The following CCSER1 variants were observed in gnomAD, a reference collection of about 807,000 sequenced individuals.
CCSER1 encodes the protein serine-rich coiled-coil domain-containing protein 1.
Under a neutral mutation model 82.0 loss-of-function variants are expected in CCSER1, and 41 were observed. That is an observed-to-expected ratio of 0.50 (90% CI 0.39 to 0.65). The LOEUF is 0.65. Ranked by LOEUF, CCSER1 falls within the 30% of genes least tolerant of loss-of-function variation. The probability of loss-of-function intolerance (pLI) is 0.00; values close to 1 mark genes in which losing one functional copy is unlikely to be tolerated. For missense variants in CCSER1, 1,119 were observed against 1,064.2 expected (o/e 1.05, Z -0.72); for synonymous variants, 414 against 383.9 (o/e 1.08, Z -0.92).
chr4:91,131,832 G>A (rs771516563), intron 10 of CCSER1, among the ~76,000 whole-genome samples: 35 of 152,054 alleles, frequency 2.3e-4, no homozygotes, highest in African/African-American at 6.0e-4. Flanking sequence ...ACAATGGGGT[G>A]AAATAGTGAA....
At chr4:90,303,948 T>A (rs961654231) in intron 1 of CCSER1, among the ~76,000 whole-genome samples, 101 of 152,000 alleles carry the variant, frequency 6.6e-4, no homozygotes, top group East Asian at 3.3e-3. Context: ...CTCAAACAAA[T>A]TTACAAGAGA....
intron 7 of CCSER1, among the ~76,000 whole-genome samples, chr4:90,785,957 A>T (rs185912952): frequency 4.6e-5 from 7 of 152,282 alleles, no homozygotes; most frequent in Non-Finnish European, 7.3e-5. Context: ...CATTTTGTGG[A>T]GCTGAGAGGT....
At chr4:90,932,302 T>C (rs1234759686) in intron 9 of CCSER1, among the ~76,000 whole-genome samples, 1 of 152,128 alleles carries the variant, frequency 6.6e-6, no homozygotes, top group Non-Finnish European at 1.5e-5. Context: ...ATTTTATGAG[T>C]TCTCTGTTTA....
intron 1 of CCSER1, among the ~76,000 whole-genome samples, chr4:90,164,389 C>T (rs939215822): frequency 2.6e-5 from 4 of 151,590 alleles, no homozygotes; most frequent in African/African-American, 7.3e-5. Flanking sequence ...TAATCGCAAA[C>T]ATTTTAAAGT....
chr4:90,983,112 T>C (rs1439287472), intron 9 of CCSER1, among the ~76,000 whole-genome samples: 2 of 151,776 alleles, frequency 1.3e-5, no homozygotes, highest in Non-Finnish European at 2.9e-5. Context: ...CATTCTTTCA[T>C]GAATCACTAT....
intron 5 of CCSER1, among the ~76,000 whole-genome samples, chr4:90,543,553 C>T (rs1776366577): frequency 6.6e-6 from 1 of 152,168 alleles, no homozygotes; most frequent in Non-Finnish European, 1.5e-5. Context: ...CAGAATGTCA[C>T]ACAGTAAATA....
chr4:91,559,535 C>A (rs1560763286), intron 10 of CCSER1, among the ~76,000 whole-genome samples: 1 of 151,562 alleles, frequency 6.6e-6, no homozygotes, highest in East Asian at 1.9e-4. Flanking sequence ...ATCCATCTGG[C>A]CATTTTTTTT....
chr4:90,447,803 T>C (rs1015551581), intron 4 of CCSER1, among the ~76,000 whole-genome samples: 1 of 152,316 alleles, frequency 6.6e-6, no homozygotes, highest in East Asian at 1.9e-4. Context: ...AGATATATTT[T>C]TGGTAATAAA....
At chr4:91,102,075 G>C (rs1725124116) in intron 10 of CCSER1, among the ~76,000 whole-genome samples, 1 of 152,198 alleles carries the variant, frequency 6.6e-6, no homozygotes, top group Non-Finnish European at 1.5e-5. Context: ...GTTTCAGACA[G>C]AGGAGCTCGT....
intron 7 of CCSER1, among the ~76,000 whole-genome samples, chr4:90,762,468 C>T (rs536719210): frequency 6.6e-6 from 1 of 152,214 alleles, no homozygotes; most frequent in South Asian, 2.1e-4. Context: ...CTTGTTGGTT[C>T]TCCTTAGTTG....
intron 10 of CCSER1, among the ~76,000 whole-genome samples, chr4:91,094,477 G>T (rs1455768556): frequency 2.6e-5 from 4 of 152,144 alleles, no homozygotes; most frequent in African/African-American, 9.7e-5. Flanking sequence ...GGTTAACCAA[G>T]CGTAAGTCCT....
intron 9 of CCSER1, among the ~76,000 whole-genome samples, chr4:90,936,098 A>G (rs1002417449): frequency 1.3e-5 from 2 of 152,054 alleles, no homozygotes; most frequent in African/African-American, 4.8e-5. Context: ...CAATGTATTT[A>G]CTTTCTATTC....
intron 1 of CCSER1, among the ~76,000 whole-genome samples, chr4:90,136,108 T>G (rs2153323886): frequency 6.6e-6 from 1 of 152,314 alleles, no homozygotes; most frequent in African/African-American, 2.4e-5. Context: ...TGTAGAAAAA[T>G]TGACGAAATT....
At chr4:91,123,224 C>G (rs1727238502) in intron 10 of CCSER1, among the ~76,000 whole-genome samples, 1 of 151,568 alleles carries the variant, frequency 6.6e-6, no homozygotes, top group Admixed American at 6.6e-5. Flanking sequence ...TAATCTTTCT[C>G]ATTTTGTCTC....
At chr4:91,110,608 A>C (rs73834789) in intron 10 of CCSER1, among the ~76,000 whole-genome samples, 7 of 148,546 alleles carry the variant, frequency 4.7e-5, no homozygotes, top group African/African-American at 1.8e-4. Context: ...TGTGCTTATC[A>C]CATTGTACTG....
At chr4:90,828,274 A>C (rs1322053405) in intron 8 of CCSER1, among the ~76,000 whole-genome samples, 1 of 152,176 alleles carries the variant, frequency 6.6e-6, no homozygotes, top group Non-Finnish European at 1.5e-5. Context: ...TCAGCTGAGA[A>C]AGCAAATTTT....
chr4:90,316,857 G>A (rs759007931), intron 3 of CCSER1, among the ~76,000 whole-genome samples: 1 of 152,136 alleles, frequency 6.6e-6, no homozygotes, highest in South Asian at 2.1e-4. Flanking sequence ...AACATCAAAT[G>A]CCGAGAACAA....
At chr4:91,186,464 G>T (rs147554718) in intron 10 of CCSER1, among the ~76,000 whole-genome samples, 34 of 152,086 alleles carry the variant, frequency 2.2e-4, no homozygotes, top group Middle Eastern at 3.4e-3. Flanking sequence ...TCCAACCATC[G>T]CTCCGGCAAT....
intron 1 of CCSER1, among the ~76,000 whole-genome samples, chr4:90,224,827 A>G (rs1365503171): frequency 6.6e-6 from 1 of 152,214 alleles, no homozygotes; most frequent in Non-Finnish European, 1.5e-5. Flanking sequence ...AGGCAGGATC[A>G]TAATTAGCCT....
Sources: gnomAD v4.1 joint callset for allele counts (sites outside exome capture counted in the v4.1 genomes callset) on GRCh38, gnomAD v4.1.1 for gene constraint, MANE v1.5 for transcripts, NCBI Gene and HGNC (gene_info 2026-07-23, HGNC 2026-07-21) for gene names.